EGF: variants seen among roughly 807,000 people sequenced by gnomAD.
The protein encoded by EGF is epidermal growth factor.
Under a neutral mutation model 143.8 loss-of-function variants are expected in EGF, and 95 were observed. The observed-to-expected ratio is 0.66, with a 90% CI of 0.56 to 0.78. EGF has a LOEUF of 0.78. Among genes scored for constraint, EGF ranks in the 30% least tolerant of loss-of-function variants. The pLI is 0.00. For synonymous variants in EGF, 510 were observed against 510.5 expected, an observed-to-expected ratio of 1.00 and a Z score of 0.01; for missense variants, 1,320 against 1,470.9, an observed-to-expected ratio of 0.90 and a Z score of 1.68.
chr4:110,004,253 A>ACACAC (rs1752964087), intron 21 of EGF: 7 of 405,396 alleles, frequency 1.7e-5, no homozygotes, highest in East Asian at 5.5e-5. Flanking sequence ...CACACACACA[A>ACACAC]ACACACACAC....
At position 109,999,746 on chromosome 4, in the gene EGF, G is replaced by T. The variant is rs149056615; in HGVS notation, c.3073G>T (p.Ala1025Ser). ...CCTGAAGTGGTGGGAACTGCGCCACGCTGGCCACGGGCAGCAGCAGAAGGT... is the reference window on the plus strand; with the variant it reads ...CCTGAAGTGGTGGGAACTGCGCCACTCTGGCCACGGGCAGCAGCAGAAGGT... ...RDLKWWELRH[A>S]GHGQQQKVIV... Residue 1025 changes from alanine (A) to serine (S), a missense_variant, in exon 21 of 24, where the codon GCT becomes TCT. Physicochemically the swap from Ala to Ser is moderately conservative, Grantham distance 99. Transcript: ENST00000265171. 156 of 1,613,958 alleles carry T rather than the reference G, an allele frequency of 9.7e-5. No individual in the cohort carries two copies. Among genetic ancestry groups the T allele is most frequent in the Non-Finnish European group, 1.3e-4 (152 of 1,180,026 alleles).
intron 22 of EGF, among the ~76,000 whole-genome samples, chr4:110,006,158 C>T (rs1290590713): frequency 1.3e-5 from 2 of 150,348 alleles, no homozygotes; most frequent in African/African-American, 2.5e-5. Flanking sequence ...GACAATATAG[C>T]AAGATCATAT....
rs185805315 is a variant in EGF, at chr4:109,920,928, G to C, written c.127+7466G>C. Among the ~76,000 whole-genome samples the C allele has an allele frequency of 2.3e-3, 351 of 151,658 alleles. 14 individuals carry two copies. Among genetic ancestry groups the C allele is most frequent in the African/African-American group, 8.2e-3 (337 of 40,968 alleles). Reference sequence around the variant, plus strand: ...TTACCACTGAGGTGGTTGTGCACACGGCCATCCCAGGCCCTTCCCAGATGT... The same window carrying C: ...TTACCACTGAGGTGGTTGTGCACACCGCCATCCCAGGCCCTTCCCAGATGT... On this transcript the variant is annotated intron_variant, in intron 1 of 23. Coordinates refer to ENST00000265171, the MANE Select transcript of EGF (RefSeq NM_001963.6).
chr4:110,009,357 A>T (rs1480218765), intron 23 of EGF, among the ~76,000 whole-genome samples: 2 of 152,248 alleles, frequency 1.3e-5, no homozygotes, highest in Non-Finnish European at 2.9e-5. Context: ...ACTATTAAAA[A>T]GTAATGGAAT....
Position 109,993,340 on chromosome 4 carries a change from G to T in EGF, c.2828G>T (p.Arg943Leu). 1 of 1,613,652 alleles carries T rather than the reference G, an allele frequency of 6.2e-7. No individual in the cohort carries two copies. The highest frequency in any genetic ancestry group is 8.5e-7 in the Non-Finnish European group (1 of 1,179,862). ...GGCTATACCTGCATGTGTGCTGGAC[G>T]CCTGTCTGAACCAGGACTGATTTGC... is the stretch of plus-strand genomic sequence containing the variant. ...EGGYTCMCAG[R>L]LSEPGLICPD... is the part of the protein sequence containing the mutation. The change falls in exon 19 of 24, where the codon CGC becomes CTC. Residue 943 changes from arginine (R) to leucine (L), a missense_variant. Around this residue, in one of 5 missense-constraint regions of EGF, gnomAD observed 1,186 missense variants for 1,313.7 expected, o/e 0.90. Transcript: ENST00000265171.
rs1414051855 is a variant in EGF, at chr4:109,917,172, G to GC, written c.127+3713dup. On this transcript the variant is annotated intron_variant, in intron 1 of 23. Coordinates refer to ENST00000265171, the MANE Select transcript of EGF (RefSeq NM_001963.6). ...TTATTTCAGTTTTTTGCATATTTTT[G>GC]CCCATGTGTGGAACCCTTCCCTTGT... 3.3e-5 allele frequency among the ~76,000 whole-genome samples: 5 copies of GC among 152,206 alleles called. No individual in the cohort carries two copies. In the East Asian group the frequency reaches 9.7e-4, roughly 29 times the overall value.
chr4:109,933,072 A>G (rs1347607168), intron 1 of EGF, among the ~76,000 whole-genome samples: 1 of 152,238 alleles, frequency 6.6e-6, no homozygotes, highest in African/African-American at 2.4e-5. Flanking sequence ...CACAATTAAT[A>G]AAATACTTTC....
intron 10 of EGF, among the ~76,000 whole-genome samples, chr4:109,965,021 T>C (rs191702986): frequency 3.3e-5 from 5 of 152,278 alleles, no homozygotes; most frequent in Admixed American, 6.5e-5. Flanking sequence ...GTAAGTTTTA[T>C]AGCTCATGTG....
chr4:109,985,059 T>C (rs1047785435), intron 16 of EGF, among the ~76,000 whole-genome samples: 12 of 152,212 alleles, frequency 7.9e-5, no homozygotes, highest in African/African-American at 2.7e-4. Flanking sequence ...TAGAGATTCA[T>C]AGAGCATATT....
chr4:109,963,255 T>G lies in EGF; in HGVS notation c.1395T>G (p.Pro465=). ...TATCCTGGGAATGTGATTGCTTTCCTGGGTATGACCTACAACTGGATGAAA... is the reference window on the plus strand; with the variant it reads ...TATCCTGGGAATGTGATTGCTTTCCGGGGTATGACCTACAACTGGATGAAA... ...SPVSWECDCF[P]GYDLQLDEKS... Residue 465 remains proline (P), a synonymous_variant, in exon 9 of 24, where the codon CCT becomes CCG. Transcript: ENST00000265171. 1 of 1,614,068 alleles carries G rather than the reference T, an allele frequency of 6.2e-7. No individual in the cohort carries two copies. Among genetic ancestry groups the G allele is most frequent in the Non-Finnish European group, 8.5e-7 (1 of 1,179,954 alleles).
At chr4:109,940,732 A>G (rs1290666885) in intron 1 of EGF, 3 of 548,120 alleles carry the variant, frequency 5.5e-6, no homozygotes, top group Admixed American at 3.1e-5. Flanking sequence ...ACCAATGTTC[A>G]TGTCTTATAA....
intron 13 of EGF, among the ~76,000 whole-genome samples, chr4:109,978,613 C>T (rs1748864354): frequency 6.6e-6 from 1 of 152,050 alleles, no homozygotes; most frequent in Non-Finnish European, 1.5e-5. Context: ...GTTTAATGGA[C>T]ATAGAGTTTC....
Position 109,945,075 on chromosome 4 carries a change from A to C in EGF, c.740A>C (p.His247Pro). 6.2e-7 allele frequency: 1 copy of C among 1,614,150 alleles called. No individual in the cohort carries two copies. The change falls in exon 5 of 24, where the codon CAT (histidine) becomes CCT (proline). Residue 247 changes from histidine (H) to proline (P), a missense_variant and splice_region_variant. By Grantham distance (77) the His-to-Pro change is moderately conservative (BLOSUM62 -2). Coordinates refer to ENST00000265171, the MANE Select transcript of EGF (RefSeq NM_001963.6). ...SVHISKHPTQHNLFAMSLFGD... is the reference protein window; with the variant it reads ...SVHISKHPTQPNLFAMSLFGD... ...TTTCTTTTGTGGTTGCTTTTTAGGC[A>C]TAATTTGTTTGCAATGTCCCTTTTT...
At chr4:109,935,870 C>A (rs57890638) in intron 1 of EGF, among the ~76,000 whole-genome samples, 1 of 152,132 alleles carries the variant, frequency 6.6e-6, no homozygotes, top group South Asian at 2.1e-4. Context: ...TATGTTGAAC[C>A]AGTCTTGCAT....
chr4:109,995,866 G>A (rs77538414), intron 20 of EGF, among the ~76,000 whole-genome samples: 1 of 152,132 alleles, frequency 6.6e-6, no homozygotes, highest in Non-Finnish European at 1.5e-5. Context: ...AAAGTGTATG[G>A]CCTTGCACTA....
chr4:110,011,708 C>T lies in EGF; in HGVS notation c.*253C>T, dbSNP rs1754015465. On this transcript the variant is annotated 3_prime_UTR_variant, in exon 24 of 24. Transcript: ENST00000265171. ...TTATTAGAAACCCAAATTGGGACAA[C>T]AGTGCTTTGTAAATTGTGTTGTCTT... 1.8e-6 allele frequency: 1 copy of T among 545,010 alleles called. No homozygotes were observed. The highest frequency in any genetic ancestry group is 3.3e-5 in the East Asian group (1 of 29,934). The allele number at this position is 545,010 out of a possible 1,614,324, so 33.8% of individuals were successfully genotyped here.
intron 7 of EGF, 41 bp downstream of exon 7, chr4:109,961,030 C>T: frequency 6.2e-7 from 1 of 1,610,322 alleles, no homozygotes; most frequent in African/African-American, 1.3e-5. Flanking sequence ...TAGTTTTCTT[C>T]ATTTTCAATA....
chr4:109,930,030 T>C (rs1739407728), intron 1 of EGF, among the ~76,000 whole-genome samples: 1 of 152,176 alleles, frequency 6.6e-6, no homozygotes, highest in South Asian at 2.1e-4. Context: ...GATGGTTTTA[T>C]AAGGGGCTTC....
chr4:109,978,507 A>G (rs1259872956), intron 13 of EGF, among the ~76,000 whole-genome samples: 2 of 152,224 alleles, frequency 1.3e-5, no homozygotes, highest in Non-Finnish European at 2.9e-5. Context: ...GTACTGTACA[A>G]TTCCAATTAT....
Sources: allele counts gnomAD v4.1 joint callset (sites outside exome capture counted in the v4.1 genomes callset), GRCh38; gene constraint gnomAD v4.1.1; regional missense constraint gnomAD v4.1.1; transcripts MANE v1.5; gene names NCBI Gene and HGNC (gene_info 2026-07-23, HGNC 2026-07-21).